DNER: variants seen among roughly 807,000 people sequenced by gnomAD.
DNER encodes delta/notch like EGF repeat containing, also known as delta and Notch-like epidermal growth factor-related receptor.
A neutral mutation model predicts 78.2 loss-of-function variants in DNER; 33 were observed. That is an observed-to-expected ratio of 0.42 (90% CI 0.32 to 0.56). DNER has a LOEUF of 0.56. Among genes scored for constraint, DNER ranks in the 20% least tolerant of loss-of-function variants. DNER has a pLI of 0.11. For synonymous variants in DNER, 417 were observed against 384.8 expected, an observed-to-expected ratio of 1.08 and a Z score of -0.98; for missense variants, 918 against 975.3, an observed-to-expected ratio of 0.94 and a Z score of 0.78.
chr2:229,670,292 C>CAGGCCG (rs1186236904), intron 1 of DNER, among the ~76,000 whole-genome samples: 2 of 152,248 alleles, frequency 1.3e-5, no homozygotes, highest in Non-Finnish European at 2.9e-5. Context: ...TGTCTCCTCC[C>CAGGCCG]AGGCCGAGGC....
intron 1 of DNER, among the ~76,000 whole-genome samples, chr2:229,710,481 C>G (rs1317114539): frequency 6.6e-6 from 1 of 152,186 alleles, no homozygotes; most frequent in Admixed American, 6.5e-5. Flanking sequence ...GGAGTAGGGA[C>G]AGCACCCAGC....
chr2:229,676,285 C>G (rs1351584506), intron 1 of DNER, among the ~76,000 whole-genome samples: 1 of 152,176 alleles, frequency 6.6e-6, no homozygotes, highest in Non-Finnish European at 1.5e-5. Context: ...AGCCTGAACC[C>G]GATAGGGCCA....
intron 1 of DNER, among the ~76,000 whole-genome samples, chr2:229,638,216 A>G (rs1054334133): frequency 3.9e-5 from 6 of 152,358 alleles, no homozygotes; most frequent in African/African-American, 1.4e-4. Flanking sequence ...TTTTATAGAC[A>G]GTCTAAAATT....
chr2:229,649,555 G>A (rs186443953), intron 1 of DNER, among the ~76,000 whole-genome samples: 2 of 152,118 alleles, frequency 1.3e-5, no homozygotes, highest in African/African-American at 4.8e-5. Flanking sequence ...GCCAAGATGC[G>A]CACAACTCTT....
chr2:229,473,136 T>G (rs1490105457), intron 7 of DNER, among the ~76,000 whole-genome samples: 1 of 152,174 alleles, frequency 6.6e-6, no homozygotes, highest in Non-Finnish European at 1.5e-5. Context: ...TGTCGAGAAC[T>G]CTATCTAGAG....
chr2:229,656,985 C>CGTGTGTGTCT (rs1553549168), intron 1 of DNER, among the ~76,000 whole-genome samples: 1 of 148,726 alleles, frequency 6.7e-6, no homozygotes, highest in African/African-American at 2.5e-5. Flanking sequence ...ACAGTTACCA[C>CGTGTGTGTCT]GTGTGTGTGT....
At chr2:229,521,208 T>C (rs1286440977) in intron 5 of DNER, among the ~76,000 whole-genome samples, 1 of 152,208 alleles carries the variant, frequency 6.6e-6, no homozygotes, top group Non-Finnish European at 1.5e-5. Flanking sequence ...CAGGAGCCTG[T>C]CCGTAAAGAT....
intron 1 of DNER, among the ~76,000 whole-genome samples, chr2:229,660,171 A>G (rs1490722207): frequency 6.6e-6 from 1 of 152,156 alleles, no homozygotes; most frequent in Non-Finnish European, 1.5e-5. Context: ...GGTTTGTTAC[A>G]TAGGTAAACT....
At chr2:229,604,145 G>GAGTA (rs1298290103) in intron 1 of DNER, among the ~76,000 whole-genome samples, 1 of 152,208 alleles carries the variant, frequency 6.6e-6, no homozygotes, top group African/African-American at 2.4e-5. Flanking sequence ...ACTCAAGTCA[G>GAGTA]AGTAGCACTT....
At chr2:229,601,372 C>T (rs1276739179) in intron 1 of DNER, among the ~76,000 whole-genome samples, 1 of 152,168 alleles carries the variant, frequency 6.6e-6, no homozygotes, top group Non-Finnish European at 1.5e-5. Flanking sequence ...CAGTAGTAGA[C>T]TCAGCCAAGA....
intron 1 of DNER, among the ~76,000 whole-genome samples, chr2:229,631,642 C>T (rs894384978): frequency 2.0e-5 from 3 of 152,114 alleles, no homozygotes; most frequent in Non-Finnish European, 4.4e-5. Context: ...CTGATTTTCT[C>T]ACCTGAAAAG....
intron 6 of DNER, among the ~76,000 whole-genome samples, chr2:229,487,595 G>GGATTGACTTA (rs1695304183): frequency 6.6e-6 from 1 of 152,078 alleles, no homozygotes; most frequent in Admixed American, 6.6e-5. Context: ...ACAAGTTAGG[G>GGATTGACTTA]GATTGACTTA....
At chr2:229,655,167 C>T (rs530186352) in intron 1 of DNER, among the ~76,000 whole-genome samples, 6 of 152,050 alleles carry the variant, frequency 3.9e-5, no homozygotes, top group Non-Finnish European at 8.8e-5. Flanking sequence ...ACCACCAACA[C>T]CCCTCAAAGC....
rs1559164665 is a variant in DNER at position 229,552,439 on chromosome 2, G to T, written c.848-5347C>A. Among the ~76,000 whole-genome samples, 4 of 152,324 alleles carry T rather than the reference G, an allele frequency of 2.6e-5. No individual in the cohort carries two copies. In the South Asian group the frequency reaches 6.2e-4, roughly 24 times the overall value. Reference sequence around the variant, plus strand: ...CCCCACCCAAATTTCATTGTGAATTGTTGTTCCCATAAGCCCCACGTGTGG... The same window carrying T: ...CCCCACCCAAATTTCATTGTGAATTTTTGTTCCCATAAGCCCCACGTGTGG... On this transcript the variant is annotated intron_variant, in intron 4 of 12. Coordinates refer to ENST00000341772, the MANE Select transcript of DNER (RefSeq NM_139072.4).
chr2:229,556,838 T>G (rs1696863893), intron 4 of DNER, among the ~76,000 whole-genome samples: 1 of 152,220 alleles, frequency 6.6e-6, no homozygotes, highest in Non-Finnish European at 1.5e-5. Context: ...ACCAATCCCC[T>G]AAAGTGGATC....
chr2:229,387,567 G>A lies in DNER; in HGVS notation c.1855+698C>T, dbSNP rs545079040. ...AGAAAGAAAGAAAGAAAGAAAGAAA[G>A]AAAAGAAAGAAGGAAGGAAGGAAAG... On this transcript the variant is annotated intron_variant, in intron 11 of 12. Coordinates refer to ENST00000341772, the MANE Select transcript of DNER (RefSeq NM_139072.4). Among the ~76,000 whole-genome samples the A allele has an allele frequency of 2.0e-3, 289 of 142,392 alleles. 1 individual carries two copies. The highest frequency in any genetic ancestry group is 7.2e-3 in the African/African-American group (276 of 38,370). 93.4% of individuals were successfully genotyped at this position (142,392 alleles called of 152,430 possible). A position where few individuals can be genotyped will look rare whatever the true frequency, so the allele number is the denominator to read the frequency against.
intron 1 of DNER, among the ~76,000 whole-genome samples, chr2:229,684,899 T>C (rs1699458553): frequency 6.6e-6 from 1 of 152,202 alleles, no homozygotes; most frequent in Non-Finnish European, 1.5e-5. Flanking sequence ...TTTTGAAGAA[T>C]TATAATGAGA....
intron 9 of DNER, among the ~76,000 whole-genome samples, chr2:229,408,690 T>G (rs1180027575): frequency 6.6e-6 from 1 of 152,208 alleles, no homozygotes; most frequent in East Asian, 1.9e-4. Flanking sequence ...CTTATTTATT[T>G]CTCAATGCCT....
chr2:229,605,546 A>G (rs1223813440), intron 1 of DNER, among the ~76,000 whole-genome samples: 1 of 152,240 alleles, frequency 6.6e-6, no homozygotes, highest in Non-Finnish European at 1.5e-5. Context: ...AAGTATATCC[A>G]TAATGGCTTT....
Sources: gnomAD v4.1 joint callset for allele counts (sites outside exome capture counted in the v4.1 genomes callset) on GRCh38, gnomAD v4.1.1 for gene constraint, MANE v1.5 for transcripts, NCBI Gene and HGNC (gene_info 2026-07-23, HGNC 2026-07-21) for gene names.